FAF1: variants seen among roughly 807,000 people sequenced by gnomAD.
The protein encoded by FAF1 is Fas associated factor 1.
In FAF1, 25 loss-of-function variants were observed where a neutral mutation model predicts 92.5. The observed-to-expected ratio is 0.27, with a 90% CI of 0.20 to 0.38. The LOEUF is 0.38. Ranked by LOEUF, FAF1 falls within the 10% of genes least tolerant of loss-of-function variation. FAF1 has a pLI of 1.00. For missense variants in FAF1, 636 were observed against 793.3 expected, an observed-to-expected ratio of 0.80 and a Z score of 2.38; for synonymous variants, 234 against 273.2, an observed-to-expected ratio of 0.86 and a Z score of 1.42.
At chr1:50,870,142 C>A (rs1191979187) in intron 1 of FAF1, among the ~76,000 whole-genome samples, 1 of 152,148 alleles carries the variant, frequency 6.6e-6, no homozygotes, top group Non-Finnish European at 1.5e-5. Context: ...TCTACAGCAC[C>A]GTGAAGATAT....
intron 2 of FAF1, among the ~76,000 whole-genome samples, chr1:50,842,441 T>A (rs141480352): frequency 6.6e-6 from 1 of 152,260 alleles, no homozygotes; most frequent in East Asian, 1.9e-4. Context: ...TATATTTTAA[T>A]ACTACATGCA....
chr1:50,457,724 C>CAAAAAAAAAAAAAAAAAA (rs35479561), intron 18 of FAF1, among the ~76,000 whole-genome samples: 27 of 56,550 alleles, frequency 4.8e-4, no homozygotes, highest in East Asian at 9.3e-4. Flanking sequence ...CCCATCTCTG[C>CAAAAAAAAAAAAAAAAAA]AAAAAAAAAA....
At chr1:50,849,735 A>T (rs918757029) in intron 2 of FAF1, among the ~76,000 whole-genome samples, 8 of 151,966 alleles carry the variant, frequency 5.3e-5, no homozygotes, top group African/African-American at 1.9e-4. Flanking sequence ...ATATCCTTGT[A>T]AAAAAAAGAG....
At chr1:50,907,066 T>G (rs1644845185) in intron 1 of FAF1, among the ~76,000 whole-genome samples, 1 of 152,122 alleles carries the variant, frequency 6.6e-6, no homozygotes. Flanking sequence ...CAACACCTAG[T>G]TTATTGAGAG....
chr1:50,617,536 C>T (rs752705791), intron 8 of FAF1, among the ~76,000 whole-genome samples: 15 of 151,866 alleles, frequency 9.9e-5, no homozygotes, highest in African/African-American at 1.7e-4. Flanking sequence ...GAGGTGCTTC[C>T]GGATTCAGTT....
intron 7 of FAF1, among the ~76,000 whole-genome samples, chr1:50,693,809 CT>C (rs1404717829): frequency 7.9e-5 from 12 of 152,044 alleles, no homozygotes; most frequent in East Asian, 1.9e-4. Context: ...GCACACACCC[CT>C]CTCTCTCACA....
intron 18 of FAF1, among the ~76,000 whole-genome samples, chr1:50,471,364 A>G (rs184144859): frequency 1.1e-4 from 16 of 152,282 alleles, no homozygotes; most frequent in Admixed American, 7.2e-4. Context: ...TATACCCCAA[A>G]TTTGAAAGGC....
chr1:50,526,858 CTTT>C (rs576252370), intron 15 of FAF1, among the ~76,000 whole-genome samples: 5 of 142,642 alleles, frequency 3.5e-5, no homozygotes, highest in African/African-American at 7.6e-5. Flanking sequence ...TACCTGACGA[CTTT>C]TTTTTTTTTT....
At chr1:50,458,989 T>C (rs1193799518) in intron 18 of FAF1, among the ~76,000 whole-genome samples, 1 of 151,664 alleles carries the variant, frequency 6.6e-6, no homozygotes, top group East Asian at 1.9e-4. Flanking sequence ...TTTTTTTTTT[T>C]GAGACAGAGT....
At chr1:50,501,984 C>A (rs1000515781) in intron 15 of FAF1, among the ~76,000 whole-genome samples, 3 of 152,032 alleles carry the variant, frequency 2.0e-5, no homozygotes, top group African/African-American at 7.2e-5. Flanking sequence ...GGTGAACATT[C>A]AAAAAATTGT....
intron 8 of FAF1, among the ~76,000 whole-genome samples, chr1:50,635,071 T>C (rs1037787526): frequency 2.6e-5 from 4 of 152,178 alleles, no homozygotes; most frequent in Non-Finnish European, 5.9e-5. Context: ...AATATACTCA[T>C]CTACACTTTA....
At chr1:50,849,485 G>A (rs1256127103) in intron 2 of FAF1, among the ~76,000 whole-genome samples, 4 of 152,002 alleles carry the variant, frequency 2.6e-5, no homozygotes, top group African/African-American at 2.4e-5. Flanking sequence ...TTAATCCTCT[G>A]TGCAGTAAAT....
intron 8 of FAF1, among the ~76,000 whole-genome samples, chr1:50,596,516 G>A (rs1301364734): frequency 3.3e-5 from 5 of 152,144 alleles, no homozygotes; most frequent in East Asian, 1.9e-4. Flanking sequence ...CTCAATGTGC[G>A]TCTGCTACTT....
Position 50,489,101 on chromosome 1 carries a change from C to CT in FAF1, c.1653+1486dup, listed in dbSNP as rs1305655382. ...GATTTTTCCTTTGGCCTTGAACTCT[C>CT]TAAGTATTTTGCTTTTATTTCTATG... On this transcript the variant is annotated intron_variant, in intron 17 of 18. Coordinates refer to ENST00000396153, the MANE Select transcript of FAF1 (RefSeq NM_007051.3). 3.3e-5 allele frequency among the ~76,000 whole-genome samples: 5 copies of CT among 152,174 alleles called. No homozygotes were observed. The East Asian group carries it at 7.7e-4, about 23-fold the overall frequency.
At chr1:50,773,919 T>G (rs1265282685) in intron 4 of FAF1, among the ~76,000 whole-genome samples, 1 of 152,214 alleles carries the variant, frequency 6.6e-6, no homozygotes, top group Non-Finnish European at 1.5e-5. Context: ...TATTGAAACA[T>G]CATATTGTAC....
At chr1:50,485,513 T>C (rs1646754235) in intron 17 of FAF1, among the ~76,000 whole-genome samples, 1 of 150,634 alleles carries the variant, frequency 6.6e-6, no homozygotes, top group Non-Finnish European at 1.5e-5. Context: ...ATATAAAAAA[T>C]TAGCCAGGCG....
chr1:50,473,326 GA>G (rs937047798), intron 18 of FAF1, among the ~76,000 whole-genome samples: 5 of 152,100 alleles, frequency 3.3e-5, no homozygotes, highest in Admixed American at 6.5e-5. Flanking sequence ...TAATTTGAAA[GA>G]AAATAAAGTT....
chr1:50,854,645 T>C (rs1485523710), intron 2 of FAF1, among the ~76,000 whole-genome samples: 1 of 151,962 alleles, frequency 6.6e-6, no homozygotes, highest in African/African-American at 2.4e-5. Flanking sequence ...GGAATACCTC[T>C]TTTGCAGACA....
intron 1 of FAF1, among the ~76,000 whole-genome samples, chr1:50,926,329 GA>G (rs1158626739): frequency 6.6e-6 from 1 of 152,130 alleles, no homozygotes; most frequent in East Asian, 1.9e-4. Flanking sequence ...ATAAGGCACA[GA>G]AAGATAAATA....
Sources: allele counts gnomAD v4.1 joint callset (sites outside exome capture counted in the v4.1 genomes callset), GRCh38; gene constraint gnomAD v4.1.1; transcripts MANE v1.5; gene names NCBI Gene and HGNC (gene_info 2026-07-23, HGNC 2026-07-21).